SGCZ: variants seen among roughly 807,000 people sequenced by gnomAD.
The protein encoded by SGCZ is zeta-sarcoglycan.
In SGCZ, 40 loss-of-function variants were observed where a neutral mutation model predicts 41.3. The ratio of observed to expected loss-of-function variants is 0.97; its 90% CI spans 0.75 to 1.26. The LOEUF (loss-of-function observed/expected upper bound fraction) is 1.26, where lower values mean the gene tolerates loss of function less well. Among genes scored for constraint, SGCZ ranks in the 50% most tolerant of loss-of-function variants. The probability of loss-of-function intolerance (pLI) is 0.00; values close to 1 mark genes in which losing one functional copy is unlikely to be tolerated. For missense variants in SGCZ, 552 were observed against 369.8 expected (o/e 1.49, Z -4.04); for synonymous variants, 206 against 137.5 (o/e 1.50, Z -3.49).
chr8:15,128,158 G>A (rs10503533), intron 1 of SGCZ, among the ~76,000 whole-genome samples: 100,235 of 151,894 alleles, frequency 0.66, 35,156 homozygotes, highest in Non-Finnish European at 0.78. Context: ...GACCACATTG[G>A]CGATCCAGAG....
At chr8:15,225,021 T>A (rs1801723530) in intron 1 of SGCZ, among the ~76,000 whole-genome samples, 1 of 152,118 alleles carries the variant, frequency 6.6e-6, no homozygotes, top group South Asian at 2.1e-4. Context: ...TATCTCTAAT[T>A]TGTAGTTTAA....
intron 1 of SGCZ, among the ~76,000 whole-genome samples, chr8:14,854,077 A>G (rs893018124): frequency 8.0e-6 from 1 of 125,542 alleles, no homozygotes; most frequent in African/African-American, 2.8e-5. Context: ...ATATATTCTA[A>G]TTTTATATAC....
At chr8:14,761,539 ATT>A (rs373649476) in intron 1 of SGCZ, among the ~76,000 whole-genome samples, 1 of 135,758 alleles carries the variant, frequency 7.4e-6, no homozygotes. Flanking sequence ...TTATTTATTT[ATT>A]TTTTTTTTGA....
chr8:14,689,625 A>T (rs1229620393), intron 1 of SGCZ, among the ~76,000 whole-genome samples: 1 of 152,204 alleles, frequency 6.6e-6, no homozygotes, highest in African/African-American at 2.4e-5. Context: ...CCTCCTTACC[A>T]GTGGGAGTAA....
At position 14,452,052 on chromosome 8, in the gene SGCZ, A is replaced by G. The variant is rs563938836; in HGVS notation, c.234+102680T>C. Among the ~76,000 whole-genome samples the G allele has an allele frequency of 6.4e-4, 98 of 152,348 alleles. 1 individual carries two copies. Among genetic ancestry groups the G allele is most frequent in the African/African-American group, 2.3e-3 (96 of 41,590 alleles). ...ATGGATACTTATAACAGCTTTATTC[A>G]CATTTGCCAAAACTTGGAAATAATC... On this transcript the variant is annotated intron_variant, in intron 2 of 7. Coordinates refer to ENST00000382080, the MANE Select transcript of SGCZ (RefSeq NM_139167.4).
chr8:14,254,740 C>A (rs1799402945), intron 3 of SGCZ, among the ~76,000 whole-genome samples: 2 of 143,812 alleles, frequency 1.4e-5, no homozygotes, highest in South Asian at 4.2e-4. Context: ...TGAAAGACAT[C>A]GTGTCGTCTT....
Position 14,352,383 on chromosome 8 carries a change from G to C in SGCZ, c.235-28179C>G, listed in dbSNP as rs894064236. Among the ~76,000 whole-genome samples, 34 of 152,090 alleles carry C rather than the reference G, an allele frequency of 2.2e-4. No individual in the cohort carries two copies. The Middle Eastern group carries it at 0.01, about 46-fold the overall frequency. ...GGGAGGAAAGGGCAAGAGCACACAA[G>C]AAAAGAAATACGGCACAAAATGTGT... On this transcript the variant is annotated intron_variant, in intron 2 of 7. Transcript: ENST00000382080.
intron 5 of SGCZ, among the ~76,000 whole-genome samples, chr8:14,135,771 G>A (rs1803177526): frequency 6.6e-6 from 1 of 152,074 alleles, no homozygotes; most frequent in South Asian, 2.1e-4. Flanking sequence ...AAAAACAGAA[G>A]AGGATAAAAT....
chr8:14,100,179 T>C (rs1801969742), intron 7 of SGCZ, among the ~76,000 whole-genome samples: 1 of 151,850 alleles, frequency 6.6e-6, no homozygotes, highest in South Asian at 2.1e-4. Flanking sequence ...ATTTTGTTAC[T>C]ATAAAAAAAA....
At chr8:15,174,190 T>C (rs1193319753) in intron 1 of SGCZ, among the ~76,000 whole-genome samples, 1 of 152,284 alleles carries the variant, frequency 6.6e-6, no homozygotes, top group Admixed American at 6.5e-5. Flanking sequence ...TCCTCAAGGA[T>C]TTAAATAGGA....
intron 4 of SGCZ, among the ~76,000 whole-genome samples, chr8:14,237,313 G>A (rs911482536): frequency 6.6e-6 from 1 of 152,004 alleles, no homozygotes; most frequent in African/African-American, 2.4e-5. Context: ...CAAGAAAATT[G>A]GGCTGTAATG....
chr8:14,434,464 C>T (rs948078666), intron 2 of SGCZ, among the ~76,000 whole-genome samples: 1 of 152,020 alleles, frequency 6.6e-6, no homozygotes, highest in Non-Finnish European at 1.5e-5. Flanking sequence ...TTTTTGGGTT[C>T]CATATGAATT....
intron 3 of SGCZ, chr8:14,309,238 G>C (rs1405609685): frequency 2.0e-6 from 3 of 1,520,412 alleles, no homozygotes; most frequent in African/African-American, 1.4e-5. Flanking sequence ...AAGACTTCTG[G>C]GCTCTGTACA....
chr8:14,153,594 G>A (rs1803779664), intron 5 of SGCZ, among the ~76,000 whole-genome samples: 1 of 151,986 alleles, frequency 6.6e-6, no homozygotes, highest in African/African-American at 2.4e-5. Context: ...ACCACAAAAG[G>A]CCTGTGTTTC....
At chr8:15,106,749 A>C (rs1044702093) in intron 1 of SGCZ, among the ~76,000 whole-genome samples, 1 of 152,024 alleles carries the variant, frequency 6.6e-6, no homozygotes, top group Non-Finnish European at 1.5e-5. Flanking sequence ...CTGATTATGA[A>C]TTTAAAAATA....
chr8:14,118,399 C>G (rs1357016983), intron 5 of SGCZ, among the ~76,000 whole-genome samples: 1 of 152,018 alleles, frequency 6.6e-6, no homozygotes, highest in South Asian at 2.1e-4. Context: ...ATCCTTCACC[C>G]ACTTTTTGAT....
intron 2 of SGCZ, among the ~76,000 whole-genome samples, chr8:14,537,573 T>C (rs1045544095): frequency 6.7e-6 from 1 of 149,356 alleles, no homozygotes; most frequent in Non-Finnish European, 1.5e-5. Flanking sequence ...TTTTTTTCAC[T>C]TCTTGAGCTC....
intron 1 of SGCZ, among the ~76,000 whole-genome samples, chr8:15,201,990 TTTAAAAGAATTAGGGATGC>T (rs1295084679): frequency 3.3e-5 from 5 of 152,210 alleles, no homozygotes; most frequent in African/African-American, 1.2e-4. Flanking sequence ...TTCATTCTGA[TTTAAAAGAATTAGGGATGC>T]TTTTTCATCT....
chr8:14,112,112 G>A (rs1033257214), intron 5 of SGCZ, among the ~76,000 whole-genome samples: 4 of 152,032 alleles, frequency 2.6e-5, no homozygotes, highest in African/African-American at 7.2e-5. Context: ...CAGAGAGAAA[G>A]CAAACAACCA....
Sources: gnomAD v4.1 joint callset for allele counts (sites outside exome capture counted in the v4.1 genomes callset) on GRCh38, gnomAD v4.1.1 for gene constraint, MANE v1.5 for transcripts, NCBI Gene and HGNC (gene_info 2026-07-23, HGNC 2026-07-21) for gene names.